NEGR1: variants seen among roughly 807,000 people sequenced by gnomAD.
NEGR1 encodes the protein neuronal growth regulator 1, also known as IgLON family member 4.
NEGR1 carries 10 observed loss-of-function variants against 40.9 expected under a neutral mutation model. That is an observed-to-expected ratio of 0.24 (90% CI 0.15 to 0.42). The LOEUF (loss-of-function observed/expected upper bound fraction) is 0.42. Among genes scored for constraint, NEGR1 ranks in the 10% least tolerant of loss-of-function variants. The pLI, the probability that NEGR1 is intolerant of heterozygous loss-of-function variation, is 1.00. For missense variants in NEGR1, 352 were observed against 438.9 expected (o/e 0.80, Z 1.77); for synonymous variants, 185 against 166.8 (o/e 1.11, Z -0.84).
chr1:72,282,477 C>A lies in NEGR1; in HGVS notation c.18G>T (p.Leu6Phe). ...GGTTCGAGCAACAAGCACCCTGCACCAACAGCATCATGTCCATCCCTGCTA... is the reference window on the plus strand; with the variant it reads ...GGTTCGAGCAACAAGCACCCTGCACAAACAGCATCATGTCCATCCCTGCTA... MDMML[L>F]VQGACCSNQW... The change falls in exon 1 of 7, where the codon TTG (leucine) becomes TTT (phenylalanine). Residue 6 changes from leucine (L) to phenylalanine (F), a missense_variant. By Grantham distance (22) the Leu-to-Phe change is conservative (BLOSUM62 0). This residue lies in a region of NEGR1 where 81 missense variants were observed against 85.8 expected (regional missense o/e 0.94). Transcript: ENST00000357731. 1 of 1,613,122 alleles carries A rather than the reference C, an allele frequency of 6.2e-7. No individual in the cohort carries two copies. The highest frequency in any genetic ancestry group is 8.5e-7 in the Non-Finnish European group (1 of 1,179,972).
At chr1:71,937,037 T>C (rs1003836229) in intron 1 of NEGR1, among the ~76,000 whole-genome samples, 2 of 152,166 alleles carry the variant, frequency 1.3e-5, no homozygotes, top group Non-Finnish European at 2.9e-5. Flanking sequence ...ACACAGTGTT[T>C]GAGATTGCTA....
chr1:72,018,129 C>T (rs1490772138), intron 1 of NEGR1, among the ~76,000 whole-genome samples: 3 of 152,086 alleles, frequency 2.0e-5, no homozygotes, highest in Non-Finnish European at 4.4e-5. Flanking sequence ...TACAGAATTA[C>T]ATACGGTCAA....
intron 1 of NEGR1, among the ~76,000 whole-genome samples, chr1:72,126,633 A>T (rs985598236): frequency 1.4e-4 from 22 of 152,218 alleles, no homozygotes; most frequent in African/African-American, 5.1e-4. Context: ...GGTAGTGTCA[A>T]GAATTCTGAA....
chr1:72,224,877 C>T (rs746710954), intron 1 of NEGR1, among the ~76,000 whole-genome samples: 38 of 151,894 alleles, frequency 2.5e-4, no homozygotes, highest in African/African-American at 5.6e-4. Context: ...TGCAAAGATA[C>T]GCATAATTCT....
intron 1 of NEGR1, among the ~76,000 whole-genome samples, chr1:72,051,797 A>G (rs1025593139): frequency 6.6e-6 from 1 of 151,400 alleles, no homozygotes; most frequent in Non-Finnish European, 1.5e-5. Context: ...TCCTGAGAGA[A>G]TTTTTGTCTA....
intron 1 of NEGR1, among the ~76,000 whole-genome samples, chr1:71,960,399 C>A (rs1336258916): frequency 6.6e-6 from 1 of 152,076 alleles, no homozygotes; most frequent in African/African-American, 2.4e-5. Flanking sequence ...CAAGATATAA[C>A]AAGGTATTTG....
chr1:71,684,258 A>G (rs1024030659), intron 4 of NEGR1, among the ~76,000 whole-genome samples: 3 of 152,054 alleles, frequency 2.0e-5, no homozygotes, highest in Non-Finnish European at 4.4e-5. Context: ...GTGACACAGC[A>G]AGACTCCATC....
chr1:72,216,393 A>C (rs1300796606), intron 1 of NEGR1, among the ~76,000 whole-genome samples: 3 of 139,692 alleles, frequency 2.1e-5, no homozygotes, highest in Non-Finnish European at 3.0e-5. Flanking sequence ...ACATATATAT[A>C]TATATATACA....
chr1:72,190,103 C>T (rs1207079155), intron 1 of NEGR1, among the ~76,000 whole-genome samples: 6 of 151,486 alleles, frequency 4.0e-5, no homozygotes, highest in Admixed American at 1.3e-4. Context: ...ATACTAGCCA[C>T]GTACACATGA....
chr1:72,049,558 C>T (rs1439374584), intron 1 of NEGR1, among the ~76,000 whole-genome samples: 3 of 151,580 alleles, frequency 2.0e-5, no homozygotes, highest in African/African-American at 7.3e-5. Context: ...GTTGTTTGCA[C>T]AAATTTTTAT....
intron 1 of NEGR1, among the ~76,000 whole-genome samples, chr1:72,081,024 A>G (rs1297074637): frequency 6.6e-6 from 1 of 152,118 alleles, no homozygotes; most frequent in African/African-American, 2.4e-5. Context: ...ATAAAAAAAT[A>G]AGAGAAACAA....
At chr1:71,665,499 C>T (rs1239730182) in intron 4 of NEGR1, among the ~76,000 whole-genome samples, 1 of 152,196 alleles carries the variant, frequency 6.6e-6, no homozygotes, top group Non-Finnish European at 1.5e-5. Flanking sequence ...AGGACTACAA[C>T]ATGGTTTCCC....
chr1:72,106,286 T>G (rs1189311823), intron 1 of NEGR1, among the ~76,000 whole-genome samples: 2 of 152,072 alleles, frequency 1.3e-5, no homozygotes, highest in Non-Finnish European at 2.9e-5. Flanking sequence ...TTTTCCTACT[T>G]TTCCTCTTAC....
Position 71,815,901 on chromosome 1 carries a change from T to C in NEGR1, c.410-39604A>G, listed in dbSNP as rs1332593884. Among the ~76,000 whole-genome samples the C allele has an allele frequency of 2.0e-5, 3 of 152,098 alleles. No homozygotes were observed. The East Asian group carries it at 5.8e-4, about 29-fold the overall frequency. The stretch of plus-strand genomic sequence containing the variant: ...ATAAACTGGATCATGGTTGAAGTGA[T>C]AAAAGGTTTAACATATTACTCTTTC... On this transcript the variant is annotated intron_variant, in intron 2 of 6. Coordinates refer to ENST00000357731, the MANE Select transcript of NEGR1 (RefSeq NM_173808.3).
rs996340233 is a variant in NEGR1 at position 72,165,088 on chromosome 1, T to C, written c.176+117231A>G. On this transcript the variant is annotated intron_variant, in intron 1 of 6. Coordinates refer to ENST00000357731, the MANE Select transcript of NEGR1 (RefSeq NM_173808.3). ...ATGTTGGATCTATTATCATTGGTATTATATTAAACAATTGTGATTTATCAG... is the reference window on the plus strand; with the variant it reads ...ATGTTGGATCTATTATCATTGGTATCATATTAAACAATTGTGATTTATCAG... 7.9e-5 allele frequency among the ~76,000 whole-genome samples: 12 copies of C among 152,058 alleles called. 1 individual carries two copies. Among genetic ancestry groups the C allele is most frequent in the Admixed American group, 7.9e-4 (12 of 15,254 alleles).
At chr1:71,418,532 A>G (rs1646372172) in intron 6 of NEGR1, among the ~76,000 whole-genome samples, 1 of 152,056 alleles carries the variant, frequency 6.6e-6, no homozygotes, top group Non-Finnish European at 1.5e-5. Context: ...GCTCTGAACA[A>G]ACCATAGCCT....
At chr1:71,531,395 CCATCAGGTGACAT>C (rs1647352362) in intron 6 of NEGR1, among the ~76,000 whole-genome samples, 1 of 151,284 alleles carries the variant, frequency 6.6e-6, no homozygotes, top group South Asian at 2.1e-4. Flanking sequence ...TTACGTCAAC[CCATCAGGTGACAT>C]AGCTATATGG....
chr1:71,579,136 C>T (rs1649049735), intron 6 of NEGR1, among the ~76,000 whole-genome samples: 1 of 152,124 alleles, frequency 6.6e-6, no homozygotes, highest in Non-Finnish European at 1.5e-5. Flanking sequence ...TGCTACATTT[C>T]CTTGCAAGTC....
At chr1:71,430,644 T>C (rs1646459385) in intron 6 of NEGR1, among the ~76,000 whole-genome samples, 1 of 151,258 alleles carries the variant, frequency 6.6e-6, no homozygotes, top group Non-Finnish European at 1.5e-5. Flanking sequence ...TGGTATGTCT[T>C]ATAGCTTTTT....
Sources: allele counts gnomAD v4.1 joint callset (sites outside exome capture counted in the v4.1 genomes callset), GRCh38; gene constraint gnomAD v4.1.1; regional missense constraint gnomAD v4.1.1; transcripts MANE v1.5; gene names NCBI Gene and HGNC (gene_info 2026-07-23, HGNC 2026-07-21).